The following PLS3 variants were observed in gnomAD, a reference collection of about 807,000 sequenced individuals.
PLS3 encodes the protein plastin 3.
Under a neutral mutation model 46.5 loss-of-function variants are expected in PLS3, and 11 were observed. The observed-to-expected ratio is 0.24, with a 90% CI of 0.15 to 0.39. PLS3 has a LOEUF of 0.39. Among genes scored for constraint, PLS3 ranks in the 10% least tolerant of loss-of-function variants. The probability of loss-of-function intolerance (pLI) is 1.00; values close to 1 mark genes in which losing one functional copy is unlikely to be tolerated. For synonymous variants in PLS3, 167 were observed against 162.2 expected (o/e 1.03, Z -0.22); for missense variants, 308 against 461.8 (o/e 0.67, Z 3.05).
intron 1 of PLS3, among the ~76,000 whole-genome samples, chrX:115,575,058 G>A (rs1331044730): frequency 1.8e-5 from 2 of 111,525 alleles, no homozygotes; most frequent in African/African-American, 6.5e-5. Flanking sequence ...TGTCTCCATT[G>A]AGTTCCCTGT....
chrX:115,576,433 T>G (rs781881188), intron 1 of PLS3, among the ~76,000 whole-genome samples: 2 of 111,461 alleles, frequency 1.8e-5, no homozygotes, highest in Non-Finnish European at 3.8e-5. Flanking sequence ...TAGCCAGGCA[T>G]GGTGGCGTGC....
intron 1 of PLS3, among the ~76,000 whole-genome samples, chrX:115,578,691 C>CAAAAAAAA (rs373605509): frequency 1.1e-3 from 29 of 26,747 alleles, no homozygotes; most frequent in South Asian, 3.6e-3. Flanking sequence ...CGCCACTGCA[C>CAAAAAAAA]AAAAAAAAAA....
intron 1 of PLS3, among the ~76,000 whole-genome samples, chrX:115,575,633 C>T (rs183999494): frequency 0.028 from 3,120 of 111,048 alleles, 113 homozygotes; most frequent in African/African-American, 0.096. Context: ...TTAGTAGAGA[C>T]GGGGTTTCAC....
chrX:115,606,165 C>CTTTTTTTTTTTTTTTTTTTTTTTTT lies in PLS3; in HGVS notation c.-8-4077_-8-4053dup, dbSNP rs782575149. 2.3e-4 allele frequency among the ~76,000 whole-genome samples: 7 copies of CTTTTTTTTTTTTTTTTTTTTTTTTT among 30,283 alleles called. 1 individual carries two copies. Among genetic ancestry groups the CTTTTTTTTTTTTTTTTTTTTTTTTT allele is most frequent in the African/African-American group, 8.2e-4 (5 of 6,114 alleles). 26.3% of individuals were successfully genotyped at this position (30,283 alleles called of 115,157 possible). ...TTTTCTTTCTTTTTTCTTTTCTTTT[C>CTTTTTTTTTTTTTTTTTTTTTTTTT]TTTTTTTTTTTTTTTTTTTTTTTTT... On this transcript the variant is annotated intron_variant, in intron 1 of 15. Transcript: ENST00000355899.
chrX:115,568,908 C>T (rs782706853), intron 1 of PLS3, among the ~76,000 whole-genome samples: 2 of 110,833 alleles, frequency 1.8e-5, no homozygotes, highest in Non-Finnish European at 3.8e-5. Context: ...TGGTGGCGCA[C>T]GCCTGTAATC....
At chrX:115,637,305 G>A (rs942000460) in intron 8 of PLS3, among the ~76,000 whole-genome samples, 26 of 111,466 alleles carry the variant, frequency 2.3e-4, no homozygotes, top group African/African-American at 7.2e-4. Context: ...CAGTGTACCT[G>A]TTAGTAAACA....
At chrX:115,622,597 G>A (rs1556637811) in intron 3 of PLS3, among the ~76,000 whole-genome samples, 188 bp downstream of exon 3, 1 of 111,461 alleles carries the variant, frequency 9.0e-6, no homozygotes, top group East Asian at 2.8e-4. Flanking sequence ...CAAACGAATT[G>A]AGAAAAAGAG....
At chrX:115,621,892 G>T (rs782030815) in intron 2 of PLS3, among the ~76,000 whole-genome samples, 24 of 111,795 alleles carry the variant, frequency 2.1e-4, no homozygotes, top group African/African-American at 7.1e-4. Context: ...AGTAGAAATT[G>T]TTCTATACCA....
chrX:115,588,353 G>A (rs2074323404), intron 1 of PLS3, among the ~76,000 whole-genome samples: 1 of 111,747 alleles, frequency 8.9e-6, no homozygotes, highest in Admixed American at 9.5e-5. Context: ...AACCAAAACC[G>A]GTATTGCAAA....
intron 2 of PLS3, among the ~76,000 whole-genome samples, chrX:115,617,466 T>C (rs2074608472): frequency 8.9e-6 from 1 of 112,300 alleles, no homozygotes; most frequent in Non-Finnish European, 1.9e-5. Context: ...GTCATTGTTG[T>C]TTAGTTTTGT....
chrX:115,594,636 T>TCTCC (rs2074370258), intron 1 of PLS3, among the ~76,000 whole-genome samples: 1 of 101,425 alleles, frequency 9.9e-6, no homozygotes, highest in East Asian at 3.0e-4. Flanking sequence ...TCTCTCTCTC[T>TCTCC]CTCCCTCCCT....
intron 1 of PLS3, among the ~76,000 whole-genome samples, chrX:115,570,018 C>G (rs2058871178): frequency 9.0e-6 from 1 of 111,380 alleles, no homozygotes; most frequent in African/African-American, 3.3e-5. Flanking sequence ...CTCACTGCAA[C>G]CTCCATCCCC....
chrX:115,595,687 C>CTTTTTTTT (rs35860715), intron 1 of PLS3, among the ~76,000 whole-genome samples: 2 of 82,974 alleles, frequency 2.4e-5, no homozygotes, highest in Non-Finnish European at 4.6e-5. Context: ...TATTTTCTTT[C>CTTTTTTTT]TTTTTTTTTT....
At chrX:115,622,220 T>C (rs782387597) in intron 2 of PLS3, 26 bp from the exon 3 acceptor site, 43 of 1,175,278 alleles carry the variant, frequency 3.7e-5, no homozygotes, top group Admixed American at 2.5e-4. Flanking sequence ...TTTTTCCTTT[T>C]TTGCTTGCTC....
chrX:115,613,204 C>G (rs2074563361), intron 2 of PLS3, among the ~76,000 whole-genome samples: 1 of 111,042 alleles, frequency 9.0e-6, no homozygotes, highest in African/African-American at 3.3e-5. Flanking sequence ...GTTTTTTAAA[C>G]ATGAATTCAG....
At chrX:115,640,932 C>G (rs1300131587) in intron 9 of PLS3, among the ~76,000 whole-genome samples, 1 of 111,254 alleles carries the variant, frequency 9.0e-6, no homozygotes, top group African/African-American at 3.3e-5. Flanking sequence ...TACAAACTCC[C>G]AATCTATGAA....
chrX:115,611,132 T>C (rs1411252663), intron 2 of PLS3, among the ~76,000 whole-genome samples: 2 of 112,341 alleles, frequency 1.8e-5, no homozygotes, highest in African/African-American at 6.5e-5. Flanking sequence ...GAATTTGCCG[T>C]TAGACCTGTG....
chrX:115,591,900 A>G (rs2074347804), intron 1 of PLS3, among the ~76,000 whole-genome samples: 1 of 112,472 alleles, frequency 8.9e-6, no homozygotes, highest in African/African-American at 3.2e-5. Flanking sequence ...GACTCCTGCC[A>G]TTGTATTCCT....
At chrX:115,622,462 A>C in intron 3 of PLS3, 53 bp downstream of exon 3, 1 of 785,802 alleles carries the variant, frequency 1.3e-6, no homozygotes, top group Non-Finnish European at 1.9e-6. Context: ...TCCCTCGTCT[A>C]GTGGGATGTT....
Sources: gnomAD v4.1 joint callset for allele counts (sites outside exome capture counted in the v4.1 genomes callset) on GRCh38, gnomAD v4.1.1 for gene constraint, MANE v1.5 for transcripts, NCBI Gene and HGNC (gene_info 2026-07-23, HGNC 2026-07-21) for gene names.